NUP205: variants seen among roughly 807,000 people sequenced by gnomAD.
The protein encoded by NUP205 is nuclear pore complex protein Nup205.
In NUP205, 76 loss-of-function variants were observed where a neutral mutation model predicts 253.8. That is an observed-to-expected ratio of 0.30 (90% CI 0.25 to 0.36). The LOEUF is 0.36. Ranked by LOEUF, NUP205 falls within the 10% of genes least tolerant of loss-of-function variation. NUP205 has a pLI of 1.00. For missense variants in NUP205, 2,162 were observed against 2,425.5 expected (o/e 0.89, Z 2.28); for synonymous variants, 832 against 850.1 (o/e 0.98, Z 0.37).
At position 135,626,241 on chromosome 7, in the gene NUP205, C is replaced by A; in HGVS notation, c.4673C>A (p.Ala1558Glu). The part of the protein sequence containing the change: ...KALYTYESKM[A>E]FLTRVAKIQQ... ...GATTTTTCTCTTGTAACTCCTCAGGCATTTCTCACAAGAGTGGCAAAGATA... is the reference window on the plus strand; with the variant it reads ...GATTTTTCTCTTGTAACTCCTCAGGAATTTCTCACAAGAGTGGCAAAGATA... The change falls in exon 33 of 43, where the codon GCA (alanine) becomes GAA (glutamate). Residue 1558 changes from alanine (A) to glutamate (E), a missense_variant and splice_region_variant. By Grantham distance (107) the Ala-to-Glu change is moderately radical. Around this residue, in one of 5 missense-constraint regions of NUP205, gnomAD observed 1,144 missense variants for 1,280.9 expected, o/e 0.89. Coordinates refer to ENST00000285968, the MANE Select transcript of NUP205 (RefSeq NM_015135.3). The A allele has an allele frequency of 6.2e-7, 1 of 1,614,048 alleles. No individual in the cohort carries two copies. Among genetic ancestry groups the A allele is most frequent in the South Asian group, 1.1e-5 (1 of 91,070 alleles).
At chr7:135,581,590 G>A (rs1806305060) in intron 7 of NUP205, among the ~76,000 whole-genome samples, 1 of 151,304 alleles carries the variant, frequency 6.6e-6, no homozygotes, top group Non-Finnish European at 1.5e-5. Flanking sequence ...GGTGACTCAC[G>A]CCTGTAATCC....
intron 14 of NUP205, 191 bp downstream of exon 14, chr7:135,597,609 C>A: frequency 2.1e-6 from 1 of 474,332 alleles, no homozygotes; most frequent in Non-Finnish European, 3.7e-6. Context: ...TTTTGTGTTT[C>A]AGAGTTGGAA....
chr7:135,623,843 C>G (rs1045086950), intron 31 of NUP205, among the ~76,000 whole-genome samples: 1 of 152,142 alleles, frequency 6.6e-6, no homozygotes, highest in Non-Finnish European at 1.5e-5. Context: ...AGTGTAGTGG[C>G]GCAATCTCGG....
chr7:135,614,190 C>G lies in NUP205; in HGVS notation c.3227C>G (p.Thr1076Arg). The change falls in exon 23 of 43, where the codon ACA becomes AGA. Residue 1076 changes from threonine (T) to arginine (R), a missense_variant. Coordinates refer to ENST00000285968, the MANE Select transcript of NUP205 (RefSeq NM_015135.3). ...TATCAGTTATGTGCATGCTCTGATA[C>G]ATCTGGTCCTACTATGAGGTACTTG... Reference protein sequence around the residue: ...VIYQLCACSDTSGPTMRYLRT... With the variant: ...VIYQLCACSDRSGPTMRYLRT... 6.2e-7 allele frequency: 1 copy of G among 1,609,102 alleles called. No homozygotes were observed. Among genetic ancestry groups the G allele is most frequent in the Non-Finnish European group, 8.5e-7 (1 of 1,175,678 alleles).
chr7:135,577,362 G>A (rs1303977780), intron 5 of NUP205, among the ~76,000 whole-genome samples: 2 of 151,992 alleles, frequency 1.3e-5, no homozygotes, highest in Non-Finnish European at 2.9e-5. Context: ...ATCATAATTA[G>A]CATATCCATC....
At chr7:135,623,175 A>G (rs775277069) in intron 31 of NUP205, among the ~76,000 whole-genome samples, 5 of 152,134 alleles carry the variant, frequency 3.3e-5, no homozygotes, top group Non-Finnish European at 7.4e-5. Context: ...GTTACTTGGG[A>G]GGCTGAGGTG....
chr7:135,580,583 C>T (rs1806276674), intron 7 of NUP205, among the ~76,000 whole-genome samples: 1 of 152,048 alleles, frequency 6.6e-6, no homozygotes, highest in Non-Finnish European at 1.5e-5. Context: ...CTGCCTCAGC[C>T]TCCGGAGTAC....
rs1794980027 is a variant in NUP205, at chr7:135,645,003, C to T, written c.5668C>T (p.Leu1890Phe). Residue 1890 changes from leucine to phenylalanine, a missense_variant, in exon 40 of 43, where the codon CTT (leucine) becomes TTT (phenylalanine). Around this residue, in one of 5 missense-constraint regions of NUP205, gnomAD observed 1,144 missense variants for 1,280.9 expected, o/e 0.89. Transcript: ENST00000285968. Reference sequence around the variant, plus strand: ...GGTGATCAACAATCGAGCTAAACTGCTTTCCCTTTGTTCTTGTATCCTTTA... The same window carrying T: ...GGTGATCAACAATCGAGCTAAACTGTTTTCCCTTTGTTCTTGTATCCTTTA... ...VKVINNRAKL[L>F]SLCSFIIETC... 6.2e-7 allele frequency: 1 copy of T among 1,613,978 alleles called. No homozygotes were observed. The highest frequency in any genetic ancestry group is 1.1e-5 in the South Asian group (1 of 91,080).
chr7:135,570,003 T>C (rs1268546629), intron 1 of NUP205, among the ~76,000 whole-genome samples: 2 of 148,982 alleles, frequency 1.3e-5, no homozygotes, highest in Admixed American at 6.7e-5. Context: ...AACTTACAGC[T>C]CTTTGAAGCA....
In NUP205 at chr7:135,607,278, C is replaced by T. The variant is rs1249976731; in HGVS notation, c.3102C>T (p.His1034=). 17 of 1,613,940 alleles carry T rather than the reference C, an allele frequency of 1.1e-5. No homozygotes were observed. Among genetic ancestry groups the T allele is most frequent in the East Asian group, 4.5e-5 (2 of 44,890 alleles). Reference sequence around the variant, plus strand: ...TAGGTTGCCCTCGGACATGCCTTCACGCCATTCTAAACATCTTGGAGAAAG... The same window carrying T: ...TAGGTTGCCCTCGGACATGCCTTCATGCCATTCTAAACATCTTGGAGAAAG... ...GVLGCPRTCL[H]AILNILEKGT... is the part of the protein sequence containing the mutation. Residue 1034 remains histidine (H), a synonymous_variant, in exon 22 of 43, where the codon CAC becomes CAT. Transcript: ENST00000285968.
intron 40 of NUP205, 127 bp downstream of exon 40, chr7:135,645,145 G>A: frequency 9.7e-7 from 1 of 1,031,636 alleles, no homozygotes; most frequent in Non-Finnish European, 1.4e-6. Flanking sequence ...CCCAGTAAAT[G>A]CCTAATGTAT....
chr7:135,585,435 G>C (rs990995224), intron 8 of NUP205, among the ~76,000 whole-genome samples: 1 of 152,174 alleles, frequency 6.6e-6, no homozygotes, highest in Non-Finnish European at 1.5e-5. Flanking sequence ...TCTGTGGGTA[G>C]AAAATTACTA....
intron 15 of NUP205, 115 bp downstream of exon 15, chr7:135,598,322 T>G: frequency 1.0e-6 from 1 of 952,726 alleles, no homozygotes. Flanking sequence ...ATTCACAGTC[T>G]TTGTTTTGAA....
chr7:135,557,926 C>G lies in NUP205; in HGVS notation c.-19C>G, dbSNP rs1324639294. ...GGGGCCTCCATGCGGCAGAAGGGCT[C>G]TGTTAGTGCGCCTCTAAGATGGCGA... On this transcript the variant is annotated 5_prime_UTR_variant, in exon 1 of 43. Transcript: ENST00000285968. The G allele has an allele frequency of 2.5e-6, 4 of 1,612,932 alleles. No homozygotes were observed. Among genetic ancestry groups the G allele is most frequent in the Non-Finnish European group, 2.5e-6 (3 of 1,178,992 alleles).
chr7:135,570,667 TAATTA>T (rs1563109823), intron 1 of NUP205, among the ~76,000 whole-genome samples: 2,654 of 123,368 alleles, frequency 0.022, 78 homozygotes, highest in South Asian at 0.067. Flanking sequence ...TATATTAATA[TAATTA>T]ATATATATTA....
intron 8 of NUP205, among the ~76,000 whole-genome samples, chr7:135,587,221 G>A (rs1353465591): frequency 6.6e-6 from 1 of 152,116 alleles, no homozygotes; most frequent in Non-Finnish European, 1.5e-5. Flanking sequence ...TGTTGTTATT[G>A]ATAGTTGGTA....
chr7:135,585,923 A>C (rs1287425807), intron 8 of NUP205, among the ~76,000 whole-genome samples: 1 of 152,218 alleles, frequency 6.6e-6, no homozygotes, highest in East Asian at 1.9e-4. Flanking sequence ...AGAAACCGTA[A>C]CACAAAGGCT....
chr7:135,561,824 A>G (rs893749779), intron 1 of NUP205, among the ~76,000 whole-genome samples: 3 of 151,746 alleles, frequency 2.0e-5, no homozygotes, highest in South Asian at 4.2e-4. Flanking sequence ...GCGTCACTCC[A>G]CTTACTGTCC....
chr7:135,601,618 C>G, intron 17 of NUP205, 111 bp downstream of exon 17: 1 of 1,186,278 alleles, frequency 8.4e-7, no homozygotes, highest in Non-Finnish European at 1.2e-6. Flanking sequence ...CTGTAAGATT[C>G]TCTCTCTGTA....
Sources: gnomAD v4.1 joint callset for allele counts (sites outside exome capture counted in the v4.1 genomes callset) on GRCh38, gnomAD v4.1.1 for gene constraint, gnomAD v4.1.1 regional missense constraint, MANE v1.5 for transcripts, NCBI Gene and HGNC (gene_info 2026-07-23, HGNC 2026-07-21) for gene names.